PIK3C3: variants seen among roughly 807,000 people sequenced by gnomAD.
PIK3C3 encodes PI3-kinase type 3.
A neutral mutation model predicts 126.1 loss-of-function variants in PIK3C3; 95 were observed. That is an observed-to-expected ratio of 0.75 (90% CI 0.64 to 0.89). PIK3C3 has a LOEUF of 0.89. PIK3C3 is among the 40% of genes least tolerant of loss of function. The pLI is 0.00. For missense variants in PIK3C3, 829 were observed against 1,063.2 expected (o/e 0.78, Z 3.06); for synonymous variants, 374 against 360.0 (o/e 1.04, Z -0.44).
chr18:41,968,238 G>C (rs1568113546), intron 3 of PIK3C3, among the ~76,000 whole-genome samples: 1 of 152,174 alleles, frequency 6.6e-6, no homozygotes, highest in Non-Finnish European at 1.5e-5. Context: ...GTAGAGAGAA[G>C]GAAGGGAAGC....
intron 24 of PIK3C3, among the ~76,000 whole-genome samples, chr18:42,076,117 TATATGCGCATATATATATATATATATGC>T: frequency 1.4e-5 from 1 of 68,994 alleles, no homozygotes; most frequent in African/African-American, 7.5e-5. Flanking sequence ...TATATATATA[TATATGCGCATATATATATATATATATGC>T]GCATATATAT....
intron 2 of PIK3C3, among the ~76,000 whole-genome samples, chr18:41,958,231 A>G (rs1362905469): frequency 6.6e-6 from 1 of 152,228 alleles, no homozygotes; most frequent in African/African-American, 2.4e-5. Context: ...TCAGCATGGC[A>G]CATTAGCAAG....
At chr18:42,069,878 G>T (rs1279251195) in intron 24 of PIK3C3, among the ~76,000 whole-genome samples, 1 of 152,198 alleles carries the variant, frequency 6.6e-6, no homozygotes, top group Non-Finnish European at 1.5e-5. Context: ...TCCAGACTTA[G>T]TAGCTGAAAA....
chr18:42,024,803 T>TTC, intron 13 of PIK3C3, among the ~76,000 whole-genome samples: 2 of 142,790 alleles, frequency 1.4e-5, no homozygotes, highest in East Asian at 4.2e-4. Flanking sequence ...ATTTTTTTTC[T>TTC]TTTTTTTTTC....
At chr18:42,026,589 GGGACTA>G (rs1468727354) in intron 13 of PIK3C3, 4 of 152,026 alleles carry the variant, frequency 2.6e-5, no homozygotes, top group Admixed American at 2.0e-4. Context: ...CTTAGTAGCT[GGGACTA>G]TAGTCGGCGA....
At chr18:42,069,920 A>G (rs1039920248) in intron 24 of PIK3C3, among the ~76,000 whole-genome samples, 3 of 152,192 alleles carry the variant, frequency 2.0e-5, no homozygotes, top group Admixed American at 6.5e-5. Flanking sequence ...CTTACTTAGG[A>G]TGCTTCAGTC....
At chr18:42,049,492 G>T in intron 20 of PIK3C3, 39 bp from the exon 21 acceptor site, 1 of 1,469,008 alleles carries the variant, frequency 6.8e-7, no homozygotes, top group Non-Finnish European at 9.5e-7. Flanking sequence ...AACCTGGTTT[G>T]CATTTGTTTT....
At chr18:42,002,029 G>A (rs1328583938) in intron 9 of PIK3C3, among the ~76,000 whole-genome samples, 2 of 152,040 alleles carry the variant, frequency 1.3e-5, no homozygotes, top group East Asian at 3.9e-4. Flanking sequence ...CTGTCCTTGG[G>A]GAATGCAGAC....
chr18:42,001,372 G>A (rs1029369266), intron 9 of PIK3C3, among the ~76,000 whole-genome samples: 1 of 152,086 alleles, frequency 6.6e-6, no homozygotes, highest in Admixed American at 6.5e-5. Context: ...AATTATAATT[G>A]GAACCCAAAC....
intron 21 of PIK3C3, among the ~76,000 whole-genome samples, chr18:42,054,140 A>ATC (rs1555640048): frequency 0.019 from 318 of 16,600 alleles, 26 homozygotes; most frequent in Admixed American, 0.081. Flanking sequence ...ATATATATAT[A>ATC]TATATATATA....
intron 4 of PIK3C3, among the ~76,000 whole-genome samples, chr18:41,980,579 G>A (rs1161585040): frequency 7.2e-5 from 11 of 151,950 alleles, no homozygotes; most frequent in Admixed American, 7.2e-4. Context: ...ACTTTGGGAG[G>A]CTGATGGAGG....
chr18:41,998,591 T>C (rs1982136750), intron 9 of PIK3C3, among the ~76,000 whole-genome samples: 1 of 152,172 alleles, frequency 6.6e-6, no homozygotes, highest in Admixed American at 6.6e-5. Flanking sequence ...AATAAAATGT[T>C]CAAGTGATAT....
intron 4 of PIK3C3, among the ~76,000 whole-genome samples, chr18:41,975,250 A>G (rs1292443483): frequency 6.6e-6 from 1 of 152,198 alleles, no homozygotes; most frequent in Non-Finnish European, 1.5e-5. Flanking sequence ...GTTCATGCCA[A>G]CCACTTCAAA....
intron 21 of PIK3C3, 166 bp downstream of exon 21, chr18:42,049,771 C>G: frequency 2.0e-6 from 1 of 503,558 alleles, no homozygotes; most frequent in Non-Finnish European, 3.6e-6. Flanking sequence ...GTTGGGAGTT[C>G]GAGACCAGCC....
Position 42,030,827 on chromosome 18 carries a change from T to C in PIK3C3, c.1707+1386T>C, listed in dbSNP as rs1202082767. On this transcript the variant is annotated intron_variant, in intron 15 of 24. Transcript: ENST00000262039. Reference sequence around the variant, plus strand: ...TCTGACCTGCAGTTTGGGGCTTATATTTGAAAGCAGTTTGTTTTAGTGCCA... The same window carrying C: ...TCTGACCTGCAGTTTGGGGCTTATACTTGAAAGCAGTTTGTTTTAGTGCCA... Among the ~76,000 whole-genome samples the C allele has an allele frequency of 2.0e-5, 3 of 152,294 alleles. No homozygotes were observed. In the East Asian group the frequency reaches 5.8e-4, roughly 29 times the overall value.
chr18:42,064,928 C>G, intron 23 of PIK3C3, 98 bp downstream of exon 23: 1 of 667,200 alleles, frequency 1.5e-6, no homozygotes, highest in East Asian at 2.7e-5. Flanking sequence ...AGTTTTATCC[C>G]CTTCCTTGTT....
intron 10 of PIK3C3, among the ~76,000 whole-genome samples, chr18:42,010,223 G>A (rs1386747042): frequency 6.6e-6 from 1 of 152,120 alleles, no homozygotes; most frequent in Non-Finnish European, 1.5e-5. Flanking sequence ...ACTACTCTTT[G>A]CTGCTCATCC....
At chr18:41,981,012 C>G (rs556125842) in intron 4 of PIK3C3, among the ~76,000 whole-genome samples, 2 of 152,118 alleles carry the variant, frequency 1.3e-5, no homozygotes, top group Non-Finnish European at 2.9e-5. Flanking sequence ...CAAATTTATT[C>G]ATTGATGTCA....
intron 9 of PIK3C3, among the ~76,000 whole-genome samples, chr18:42,000,466 G>T (rs553346346): frequency 3.9e-5 from 6 of 152,098 alleles, no homozygotes; most frequent in African/African-American, 1.4e-4. Flanking sequence ...GTTTTGGAGG[G>T]CAAGGGATGG....
Sources: gnomAD v4.1 joint callset for allele counts (sites outside exome capture counted in the v4.1 genomes callset) on GRCh38, gnomAD v4.1.1 for gene constraint, MANE v1.5 for transcripts, NCBI Gene and HGNC (gene_info 2026-07-23, HGNC 2026-07-21) for gene names.